Variants in ST3GAL1 observed in about 807,000 individuals in gnomAD.
ST3GAL1 encodes ST3 beta-galactoside alpha-2,3-sialyltransferase 1, also known as CMP-N-acetylneuraminate-beta-galactosamide-alpha-2,3-sialyltransferase 1.
In ST3GAL1, 16 loss-of-function variants were observed where a neutral mutation model predicts 34.1. That is an observed-to-expected ratio of 0.47 (90% CI 0.32 to 0.71). The LOEUF is 0.71. Ranked by LOEUF, ST3GAL1 falls within the 30% of genes least tolerant of loss-of-function variation. ST3GAL1 has a pLI of 0.04. For missense variants in ST3GAL1, 353 were observed against 447.4 expected (o/e 0.79, Z 1.90); for synonymous variants, 191 against 184.7 (o/e 1.03, Z -0.28).
chr8:133,549,005 A>G (rs1471636189), intron 1 of ST3GAL1, among the ~76,000 whole-genome samples: 1 of 152,248 alleles, frequency 6.6e-6, no homozygotes, highest in Non-Finnish European at 1.5e-5. Flanking sequence ...GGCCTTATGT[A>G]TGTTACATCT....
chr8:133,456,295 AG>A lies in ST3GAL1; in HGVS notation c.*3468del, dbSNP rs112935291. On this transcript the variant is annotated 3_prime_UTR_variant, in exon 10 of 10. Transcript: ENST00000522652. Reference sequence around the variant, plus strand: ...GTGCCCTGACTCACTGGGGAGACCCAGGGGGTTGGGATGTTGCTGACACCTC... The same window carrying A: ...GTGCCCTGACTCACTGGGGAGACCCAGGGGTTGGGATGTTGCTGACACCTC... 0.23 allele frequency: 35,390 copies of A among 152,032 alleles called. 4,488 individuals are homozygous for A. Among genetic ancestry groups the A allele is most frequent in the East Asian group, 0.54 (2,783 of 5,110 alleles). The allele number at this position is 152,032 out of a possible 1,614,324, so 9.4% of individuals were successfully genotyped here.
At chr8:133,531,819 A>G (rs1198359910) in intron 2 of ST3GAL1, among the ~76,000 whole-genome samples, 2 of 146,802 alleles carry the variant, frequency 1.4e-5, no homozygotes, top group Admixed American at 1.3e-4. Context: ...AAACAGAAAA[A>G]AAAAAAAAAA....
chr8:133,550,468 C>T (rs755489592), intron 1 of ST3GAL1, among the ~76,000 whole-genome samples: 1 of 152,220 alleles, frequency 6.6e-6, no homozygotes, highest in Non-Finnish European at 1.5e-5. Context: ...GTGGCTCCTC[C>T]ATGACACAGC....
chr8:133,504,303 C>T (rs1437809866), intron 2 of ST3GAL1, among the ~76,000 whole-genome samples: 1 of 152,214 alleles, frequency 6.6e-6, no homozygotes, highest in African/African-American at 2.4e-5. Flanking sequence ...GCCTCCTGCT[C>T]AGTTAGAAGG....
At chr8:133,464,181 C>T (rs1007173084) in intron 7 of ST3GAL1, among the ~76,000 whole-genome samples, 45 of 152,266 alleles carry the variant, frequency 3.0e-4, no homozygotes, top group African/African-American at 9.6e-4. Context: ...GGTGCTTGGC[C>T]GAGCTCCAGA....
At chr8:133,501,838 G>A (rs1261962532) in intron 2 of ST3GAL1, among the ~76,000 whole-genome samples, 18 of 152,308 alleles carry the variant, frequency 1.2e-4, no homozygotes, top group Admixed American at 1.1e-3. Flanking sequence ...AGCCACAGAA[G>A]GCCATGGGGA....
In ST3GAL1 at chr8:133,457,259, C is replaced by G. The variant is rs1815332799; in HGVS notation, c.*2505G>C. On this transcript the variant is annotated 3_prime_UTR_variant, in exon 10 of 10. Coordinates refer to ENST00000522652, the MANE Select transcript of ST3GAL1 (RefSeq NM_173344.3). ...ACGGAGGCCAGGCAACCGACCCAGG[C>G]AGCATCTGGCTCAGACGCAGACACA... is the stretch of plus-strand genomic sequence containing the variant. 6.6e-6 allele frequency: 1 copy of G among 152,250 alleles called. No individual in the cohort carries two copies. Among genetic ancestry groups the G allele is most frequent in the South Asian group, 2.1e-4 (1 of 4,828 alleles). The allele number at this position is 152,250 out of a possible 1,614,324, so 9.4% of individuals were successfully genotyped here. A position where few individuals can be genotyped will look rare whatever the true frequency, so the allele number is the denominator to read the frequency against.
rs71299078 is a variant in ST3GAL1, at chr8:133,541,120, T to TATATATATAGAGAGAGAGAG, written c.-429+4653_-429+4654insCTCTCTCTCTCTATATATAT. On this transcript the variant is annotated intron_variant, in intron 2 of 9. Transcript: ENST00000522652. ...ACATATATATATATATATATATATA[T>TATATATATAGAGAGAGAGAG]AGAGAGAGAGAGAGAGAGAGAGAGA... 1.2e-4 allele frequency among the ~76,000 whole-genome samples: 6 copies of TATATATATAGAGAGAGAGAG among 48,628 alleles called. 1 individual carries two copies. Among genetic ancestry groups the TATATATATAGAGAGAGAGAG allele is most frequent in the Admixed American group, 2.2e-4 (1 of 4,566 alleles). 31.9% of individuals were successfully genotyped at this position (48,628 alleles called of 152,430 possible).
intron 3 of ST3GAL1, among the ~76,000 whole-genome samples, chr8:133,497,081 G>A (rs944667603): frequency 6.6e-6 from 1 of 152,192 alleles, no homozygotes; most frequent in African/African-American, 2.4e-5. Flanking sequence ...TGAGCCTAAT[G>A]GCTGTGCCAA....
chr8:133,522,172 C>A (rs1005936589), intron 2 of ST3GAL1, among the ~76,000 whole-genome samples: 2 of 152,084 alleles, frequency 1.3e-5, no homozygotes, highest in African/African-American at 4.8e-5. Context: ...AAATTCTATT[C>A]CTAGAAGCTT....
intron 1 of ST3GAL1, among the ~76,000 whole-genome samples, chr8:133,565,462 C>T (rs993460897): frequency 4.6e-5 from 7 of 152,126 alleles, no homozygotes; most frequent in African/African-American, 1.2e-4. Context: ...CTTCCCCTAC[C>T]GTGCCACTTC....
rs1357454607 is a variant in ST3GAL1, at chr8:133,461,883, AG to A, written c.840del (p.Cys281AlafsTer44). Reference sequence around the variant, plus strand: ...GGGGGAGGGTGGCATACCTCATCGCAGACATGCATTGAGAAGATGACCGAGA... The same window carrying A: ...GGGGGAGGGTGGCATACCTCATCGCAACATGCATTGAGAAGATGACCGAGA... ...GILSVIFSMH[V>X]CDEVDLYGFG... On this transcript the variant is annotated frameshift_variant, in exon 9 of 10. Coordinates refer to ENST00000522652, the MANE Select transcript of ST3GAL1 (RefSeq NM_173344.3). LOFTEE classifies it high-confidence loss of function. The surrounding 1 kb of genome is among the most constrained non-coding windows in gnomAD (Gnocchi z 4.7). 1.2e-6 allele frequency: 2 copies of A among 1,614,122 alleles called. No individual in the cohort carries two copies. Among genetic ancestry groups the A allele is most frequent in the Non-Finnish European group, 1.7e-6 (2 of 1,179,992 alleles).
intron 2 of ST3GAL1, among the ~76,000 whole-genome samples, chr8:133,531,446 C>T (rs746986100): frequency 2.2e-4 from 33 of 152,052 alleles, no homozygotes; most frequent in Non-Finnish European, 3.8e-4. Flanking sequence ...AATAATCCTA[C>T]GAGTAGCTAC....
chr8:133,552,109 A>G (rs1428254228), intron 1 of ST3GAL1, among the ~76,000 whole-genome samples: 1 of 152,200 alleles, frequency 6.6e-6, no homozygotes, highest in Non-Finnish European at 1.5e-5. Flanking sequence ...TGGGGACAAC[A>G]GTACACTTTT....
In ST3GAL1 at chr8:133,570,616, G is replaced by T. The variant is rs531197091; in HGVS notation, c.-582+1077C>A. Among the ~76,000 whole-genome samples the T allele has an allele frequency of 1.8e-4, 28 of 152,314 alleles. No individual in the cohort carries two copies. The highest frequency in any genetic ancestry group is 6.7e-4 in the African/African-American group (28 of 41,570). On this transcript the variant is annotated intron_variant, in intron 1 of 9. Transcript: ENST00000522652. This position sits in a 1 kb window ranked among gnomAD's most constrained non-coding sequence, Gnocchi z 5.6. ...CGGCTGCAAGGCCAGGCTAATGCGCGCTCCGACGTCTCTGTGCCAAGCCGG... is the reference window on the plus strand; with the variant it reads ...CGGCTGCAAGGCCAGGCTAATGCGCTCTCCGACGTCTCTGTGCCAAGCCGG...
rs577371984 is a variant in ST3GAL1 at position 133,544,888 on chromosome 8, T to G, written c.-429+886A>C. ...TCATATAAAAAACAGCTATACACAC[T>G]CACAGACATCAGCCTTCCTTCTTCT... On this transcript the variant is annotated intron_variant, in intron 2 of 9. Transcript: ENST00000522652. 6.7e-4 allele frequency among the ~76,000 whole-genome samples: 100 copies of G among 148,706 alleles called. 1 individual carries two copies. Among genetic ancestry groups the G allele is most frequent in the Middle Eastern group, 7.2e-3 (2 of 278 alleles).
At chr8:133,549,783 A>G (rs1586661603) in intron 1 of ST3GAL1, among the ~76,000 whole-genome samples, 3 of 152,052 alleles carry the variant, frequency 2.0e-5, no homozygotes, top group Admixed American at 2.0e-4. Context: ...ACCAACGTGG[A>G]GAAACCCTGT....
At chr8:133,535,409 G>T (rs1818278573) in intron 2 of ST3GAL1, among the ~76,000 whole-genome samples, 1 of 151,952 alleles carries the variant, frequency 6.6e-6, no homozygotes, top group East Asian at 1.9e-4. Flanking sequence ...TTATTTTTTT[G>T]TTGTTATTGT....
At chr8:133,531,635 G>T (rs564419086) in intron 2 of ST3GAL1, among the ~76,000 whole-genome samples, 21 of 152,002 alleles carry the variant, frequency 1.4e-4, no homozygotes, top group African/African-American at 4.1e-4. Flanking sequence ...CACAGGGAGG[G>T]GAACAACACA....
Sources: allele counts gnomAD v4.1 joint callset (sites outside exome capture counted in the v4.1 genomes callset), GRCh38; gene constraint gnomAD v4.1.1; non-coding constraint Gnocchi (gnomAD v3.1); transcripts MANE v1.5; gene names NCBI Gene and HGNC (gene_info 2026-07-23, HGNC 2026-07-21).